TMED3: variants seen among roughly 807,000 people sequenced by gnomAD.
TMED3 encodes transmembrane p24 trafficking protein 3.
In TMED3, 9 loss-of-function variants were observed where a neutral mutation model predicts 15.0. That is an observed-to-expected ratio of 0.60 (90% CI 0.36 to 1.04). TMED3 has a LOEUF of 1.04. TMED3 is among the 50% of genes least tolerant of loss of function. TMED3 has a pLI of 0.01. For missense variants in TMED3, 267 were observed against 278.9 expected (o/e 0.96, Z 0.30); for synonymous variants, 117 against 121.4 (o/e 0.96, Z 0.24).
At chr15:79,367,790 T>A (rs1425157432) in intron 2 of TMED3, among the ~76,000 whole-genome samples, 2 of 152,196 alleles carry the variant, frequency 1.3e-5, no homozygotes, top group African/African-American at 4.8e-5. Context: ...TGCACATTGG[T>A]TTTGCCCTAA....
At chr15:79,377,889 G>T (rs775257690) in intron 2 of TMED3, among the ~76,000 whole-genome samples, 1 of 152,094 alleles carries the variant, frequency 6.6e-6, no homozygotes, top group African/African-American at 2.4e-5. Flanking sequence ...CTCATGATCC[G>T]CCCGCCTTGG....
At chr15:79,356,268 T>TC (rs930290370) in intron 2 of TMED3, among the ~76,000 whole-genome samples, 1 of 152,090 alleles carries the variant, frequency 6.6e-6, no homozygotes, top group Non-Finnish European at 1.5e-5. Flanking sequence ...GTCCCAAATG[T>TC]CCCCCCATTA....
chr15:79,349,115 G>T (rs2058881950), intron 2 of TMED3, among the ~76,000 whole-genome samples: 1 of 152,170 alleles, frequency 6.6e-6, no homozygotes, highest in African/African-American at 2.4e-5. Flanking sequence ...TGGGGTTACA[G>T]GTGTGAGCCA....
At chr15:79,343,957 A>G (rs982786166) in intron 2 of TMED3, among the ~76,000 whole-genome samples, 3 of 152,322 alleles carry the variant, frequency 2.0e-5, no homozygotes, top group Admixed American at 6.5e-5. Context: ...TTCAACAGCC[A>G]TATGAGTCTG....
intron 2 of TMED3, among the ~76,000 whole-genome samples, chr15:79,379,837 T>C (rs1185962448): frequency 6.6e-6 from 1 of 152,106 alleles, no homozygotes; most frequent in African/African-American, 2.4e-5. Flanking sequence ...GAGAGAAAAA[T>C]ATTAAACATT....
intron 2 of TMED3, among the ~76,000 whole-genome samples, chr15:79,368,592 G>A (rs1358369526): frequency 6.6e-6 from 1 of 152,124 alleles, no homozygotes; most frequent in African/African-American, 2.4e-5. Context: ...TTAATTCTAT[G>A]TTTGGGTATC....
At chr15:79,374,495 C>T (rs1332831668) in intron 2 of TMED3, among the ~76,000 whole-genome samples, 1 of 152,086 alleles carries the variant, frequency 6.6e-6, no homozygotes, top group Non-Finnish European at 1.5e-5. Flanking sequence ...TGTTTGAGAC[C>T]TTTTCTGCCT....
intron 2 of TMED3, among the ~76,000 whole-genome samples, chr15:79,385,022 T>C (rs1408528859): frequency 1.3e-5 from 2 of 152,158 alleles, no homozygotes; most frequent in Non-Finnish European, 2.9e-5. Context: ...CCATGGAGAA[T>C]GAAGAAGAGC....
chr15:79,373,884 A>G (rs1893384846), intron 2 of TMED3, among the ~76,000 whole-genome samples: 1 of 152,218 alleles, frequency 6.6e-6, no homozygotes, highest in Non-Finnish European at 1.5e-5. Flanking sequence ...GTTGGTTGAA[A>G]GGATTAAGGT....
intron 2 of TMED3, chr15:79,382,850 T>C (rs1893559283): frequency 2.0e-6 from 2 of 982,564 alleles, no homozygotes; most frequent in Admixed American, 4.2e-5. Context: ...GGGAAGCTTC[T>C]TTTATATTAT....
intron 2 of TMED3, among the ~76,000 whole-genome samples, chr15:79,391,693 A>G (rs200378401): frequency 3.5e-5 from 5 of 141,004 alleles, no homozygotes; most frequent in African/African-American, 1.3e-4. Flanking sequence ...TGAAGCCCCC[A>G]CTATTATTGT....
chr15:79,410,913 A>G (rs1893970501), intron 2 of TMED3, among the ~76,000 whole-genome samples: 1 of 152,224 alleles, frequency 6.6e-6, no homozygotes, highest in South Asian at 2.1e-4. Context: ...GGAATGTCAC[A>G]TCTATACGAT....
chr15:79,344,021 G>A (rs1273953018), intron 2 of TMED3, among the ~76,000 whole-genome samples: 1 of 152,190 alleles, frequency 6.6e-6, no homozygotes, highest in Non-Finnish European at 1.5e-5. Context: ...CCATAAATAT[G>A]TAGATAGAAG....
intron 2 of TMED3, among the ~76,000 whole-genome samples, chr15:79,333,216 T>C (rs1402494992): frequency 1.3e-5 from 2 of 152,216 alleles, no homozygotes; most frequent in Non-Finnish European, 2.9e-5. Context: ...TAAGCAAAAT[T>C]GTAAGAATGC....
At chr15:79,353,279 A>C (rs1368004899) in intron 2 of TMED3, among the ~76,000 whole-genome samples, 1 of 62,254 alleles carries the variant, frequency 1.6e-5, no homozygotes, top group Non-Finnish European at 2.7e-5. Context: ...TAATATATAT[A>C]ATATATATTA....
downstream of TMED3, among the ~76,000 whole-genome samples, chr15:79,323,612 G>C (rs2058776975): frequency 6.6e-6 from 1 of 152,144 alleles, no homozygotes; most frequent in Non-Finnish European, 1.5e-5. Flanking sequence ...CATTGCTTCT[G>C]GAATGTTCTC....
chr15:79,380,642 T>C (rs1436757821), intron 2 of TMED3, among the ~76,000 whole-genome samples: 2 of 150,814 alleles, frequency 1.3e-5, no homozygotes, highest in Non-Finnish European at 2.9e-5. Flanking sequence ...ATTTTTATGT[T>C]TTCAGAGGAC....
At chr15:79,356,335 G>A (rs1362010215) in intron 2 of TMED3, among the ~76,000 whole-genome samples, 2 of 152,146 alleles carry the variant, frequency 1.3e-5, no homozygotes, top group Non-Finnish European at 2.9e-5. Context: ...GTTTTCTTTA[G>A]TGCTGTATCC....
Position 79,319,121 on chromosome 15 carries a change from C to T in TMED3, c.418-2857C>T, listed in dbSNP as rs549111164. ...GACAAATAGGCTTGTTCTTCACTTG[C>T]TATTGCTCCTTGAGCTGGTGTACCC... On this transcript the variant is annotated intron_variant, in intron 2 of 2. Coordinates refer to ENST00000299705, the MANE Select transcript of TMED3 (RefSeq NM_007364.4). Among the ~76,000 whole-genome samples the T allele has an allele frequency of 7.7e-4, 118 of 152,324 alleles. 1 individual carries two copies. Among genetic ancestry groups the T allele is most frequent in the Admixed American group, 1.2e-3 (19 of 15,302 alleles).
Sources: gnomAD v4.1 joint callset for allele counts (sites outside exome capture counted in the v4.1 genomes callset) on GRCh38, gnomAD v4.1.1 for gene constraint, MANE v1.5 for transcripts, NCBI Gene and HGNC (gene_info 2026-07-23, HGNC 2026-07-21) for gene names.